The following PTPN1 variants were observed in gnomAD, a reference collection of about 807,000 sequenced individuals.
The protein encoded by PTPN1 is tyrosine-protein phosphatase non-receptor type 1.
PTPN1 carries 12 observed loss-of-function variants against 59.9 expected under a neutral mutation model. The ratio of observed to expected loss-of-function variants is 0.20; its 90% CI spans 0.13 to 0.32. PTPN1 has a LOEUF of 0.32. Ranked by LOEUF, PTPN1 falls within the 10% of genes least tolerant of loss-of-function variation. PTPN1 has a pLI of 1.00. For synonymous variants in PTPN1, 178 were observed against 203.6 expected (o/e 0.87, Z 1.07); for missense variants, 356 against 549.2 (o/e 0.65, Z 3.52).
intron 2 of PTPN1, among the ~76,000 whole-genome samples, chr20:50,561,989 G>T (rs1247922473): frequency 6.6e-6 from 1 of 152,198 alleles, no homozygotes; most frequent in East Asian, 1.9e-4. Context: ...TGTGCCTGCT[G>T]GCCTGTGGCA....
At chr20:50,574,829 A>T in intron 5 of PTPN1, 175 bp downstream of exon 5, 1 of 720,178 alleles carries the variant, frequency 1.4e-6, no homozygotes, top group Non-Finnish European at 2.2e-6. Context: ...CCAAGTGCCC[A>T]GGGAGGGTGG....
chr20:50,539,201 A>G (rs1305344034), intron 1 of PTPN1, among the ~76,000 whole-genome samples: 2 of 144,602 alleles, frequency 1.4e-5, no homozygotes. Context: ...ACCCCTGGCA[A>G]ATTTTGTATT....
At chr20:50,526,373 G>A (rs2082575589) in intron 1 of PTPN1, among the ~76,000 whole-genome samples, 1 of 151,974 alleles carries the variant, frequency 6.6e-6, no homozygotes, top group African/African-American at 2.4e-5. Context: ...GAGCCACCAT[G>A]CCCAGCTTAG....
At chr20:50,547,545 G>A (rs1397281953) in intron 1 of PTPN1, among the ~76,000 whole-genome samples, 1 of 152,046 alleles carries the variant, frequency 6.6e-6, no homozygotes, top group African/African-American at 2.4e-5. Flanking sequence ...TGTATTTTTA[G>A]TAGAGACGGG....
intron 1 of PTPN1, among the ~76,000 whole-genome samples, chr20:50,519,070 C>T (rs941050457): frequency 2.6e-5 from 4 of 152,200 alleles, no homozygotes; most frequent in Non-Finnish European, 5.9e-5. Flanking sequence ...GTGCCATTAT[C>T]AGTATTTTGT....
rs150709046 is a variant in PTPN1 at position 50,585,097 on chromosome 20, C to A, written c.*2382C>A. On this transcript the variant is annotated 3_prime_UTR_variant, in exon 10 of 10. Transcript: ENST00000371621. ...TTGAGTTGTAATCTCAAAACCATAT[C>A]CCTTACCCAATTACCTGTAAGACAC... 7 of 152,296 alleles carry A rather than the reference C, an allele frequency of 4.6e-5. No individual in the cohort carries two copies. The East Asian group carries it at 1.4e-3, about 29-fold the overall frequency. 9.4% of individuals were successfully genotyped at this position (152,296 alleles called of 1,614,324 possible).
chr20:50,573,647 G>C (rs1015365424), intron 4 of PTPN1: 1 of 152,244 alleles, frequency 6.6e-6, no homozygotes, highest in African/African-American at 2.4e-5. Context: ...AATCATAAGG[G>C]CTTTGAGCTT....
chr20:50,579,123 T>G, intron 6 of PTPN1, 45 bp from the exon 7 acceptor site: 1,731 of 1,578,588 alleles, frequency 1.1e-3, no homozygotes, highest in Non-Finnish European at 1.4e-3. Flanking sequence ...ACGTTGCCCT[T>G]GAGAATTGGA....
intron 1 of PTPN1, among the ~76,000 whole-genome samples, chr20:50,549,916 A>G (rs2122762740): frequency 6.6e-6 from 1 of 152,322 alleles, no homozygotes; most frequent in South Asian, 2.1e-4. Flanking sequence ...GACCTGGAAG[A>G]CATTGAACCT....
At chr20:50,530,678 C>A (rs971069537) in intron 1 of PTPN1, among the ~76,000 whole-genome samples, 3 of 151,148 alleles carry the variant, frequency 2.0e-5, no homozygotes, top group Non-Finnish European at 4.4e-5. Context: ...TGAGCCACCA[C>A]GCCTGGCCAA....
In PTPN1 at chr20:50,565,050, G is replaced by C; in HGVS notation, c.236G>C (p.Arg79Thr). 6.2e-7 allele frequency: 1 copy of C among 1,612,756 alleles called. No individual in the cohort carries two copies. Among genetic ancestry groups the C allele is most frequent in the Non-Finnish European group, 8.5e-7 (1 of 1,179,648 alleles). Reference sequence around the variant, plus strand: ...TTGATAAAAATGGAAGAAGCCCAAAGGAGTTACATTCTTACCCAGGTAAGC... The same window carrying C: ...TTGATAAAAATGGAAGAAGCCCAAACGAGTTACATTCTTACCCAGGTAAGC... ...ASLIKMEEAQ[R>T]SYILTQGPLP... Residue 79 changes from arginine (R) to threonine (T), a missense_variant, in exon 3 of 10, where the codon AGG becomes ACG. This residue lies in a region of PTPN1 where 194 missense variants were observed against 344.2 expected (regional missense o/e 0.56). Transcript: ENST00000371621.
Position 50,578,493 on chromosome 20 carries a change from C to A in PTPN1, c.566C>A (p.Ala189Asp). Residue 189 changes from alanine to aspartate, a missense_variant, in exon 6 of 10, where the codon GCC becomes GAC. Physicochemically the swap from Ala to Asp is moderately radical, Grantham distance 126. Around this residue, in one of 3 missense-constraint regions of PTPN1, gnomAD observed 194 missense variants for 344.2 expected, o/e 0.56. Transcript: ENST00000371621. ...WPDFGVPESP[A>D]SFLNFLFKVR... is the part of the protein sequence containing the mutation. ...GACTTTGGAGTCCCTGAATCACCAGCCTCATTCTTGAACTTTCTTTTCAAA... is the reference window on the plus strand; with the variant it reads ...GACTTTGGAGTCCCTGAATCACCAGACTCATTCTTGAACTTTCTTTTCAAA... The A allele has an allele frequency of 6.2e-7, 1 of 1,614,200 alleles. No homozygotes were observed. Among genetic ancestry groups the A allele is most frequent in the African/African-American group, 1.3e-5 (1 of 75,044 alleles).
intron 1 of PTPN1, among the ~76,000 whole-genome samples, chr20:50,543,941 G>A (rs2122754484): frequency 6.6e-6 from 1 of 152,142 alleles, no homozygotes; most frequent in East Asian, 1.9e-4. Flanking sequence ...CGCTTCCTGA[G>A]TTCAAGCAAT....
intron 1 of PTPN1, 101 bp downstream of exon 1, chr20:50,510,691 C>A: frequency 1.6e-6 from 2 of 1,236,788 alleles, no homozygotes; most frequent in Non-Finnish European, 2.2e-6. Context: ...TTGCCCTCTG[C>A]CTCGCTCCTA....
intron 1 of PTPN1, among the ~76,000 whole-genome samples, chr20:50,522,480 T>C (rs2082555608): frequency 6.6e-6 from 1 of 152,246 alleles, no homozygotes; most frequent in South Asian, 2.1e-4. Context: ...CTCTACCTTA[T>C]CCTCATAGCT....
At chr20:50,563,773 T>C (rs139505867) in intron 2 of PTPN1, among the ~76,000 whole-genome samples, 24 of 152,270 alleles carry the variant, frequency 1.6e-4, no homozygotes, top group Non-Finnish European at 2.8e-4. Context: ...TCCCTTGTGC[T>C]GTGCCAGAAA....
chr20:50,565,942 G>A (rs988797500), intron 3 of PTPN1, among the ~76,000 whole-genome samples: 8 of 152,208 alleles, frequency 5.3e-5, no homozygotes, highest in Admixed American at 2.0e-4. Flanking sequence ...AGGTCAGGGC[G>A]CGTTCAACTG....
chr20:50,578,140 A>G (rs780063274), intron 5 of PTPN1: 15 of 385,490 alleles, frequency 3.9e-5, no homozygotes, highest in Non-Finnish European at 6.3e-5. Flanking sequence ...GTAACCATGT[A>G]GACAGTGGAA....
chr20:50,548,845 G>A (rs1399270929), intron 1 of PTPN1, among the ~76,000 whole-genome samples: 1 of 152,138 alleles, frequency 6.6e-6, no homozygotes, highest in Non-Finnish European at 1.5e-5. Flanking sequence ...AGCCTCCTGA[G>A]TACCTGGGGT....
Sources: allele counts gnomAD v4.1 joint callset (sites outside exome capture counted in the v4.1 genomes callset), GRCh38; gene constraint gnomAD v4.1.1; regional missense constraint gnomAD v4.1.1; transcripts MANE v1.5; gene names NCBI Gene and HGNC (gene_info 2026-07-23, HGNC 2026-07-21).